Variants in C8B observed in about 807,000 individuals in gnomAD.
The protein encoded by C8B is complement C8 beta chain, also known as complement component C8 beta chain.
A neutral mutation model predicts 64.6 loss-of-function variants in C8B; 67 were observed. That is an observed-to-expected ratio of 1.04 (90% CI 0.85 to 1.27). The LOEUF is 1.27. C8B is among the 50% of genes most tolerant of loss of function. C8B has a pLI of 0.00. For synonymous variants in C8B, 284 were observed against 257.7 expected (o/e 1.10, Z -0.98); for missense variants, 790 against 725.2 (o/e 1.09, Z -1.03).
At chr1:56,933,275 C>A (rs1412887389) in intron 10 of C8B, 60 bp downstream of exon 10, 8 of 1,437,878 alleles carry the variant, frequency 5.6e-6, no homozygotes, top group Non-Finnish European at 6.9e-6. Context: ...AAATGGCTGG[C>A]CCCCGGCCTG....
Position 56,929,394 on chromosome 1 carries a change from G to T in C8B, c.*10C>A, listed in dbSNP as rs202139453. ...CTCTCATTGTATGTAGCCCACTGCT[G>T]TATCATCTGCTAGGAGCAGTCAAGT... On this transcript the variant is annotated 3_prime_UTR_variant, in exon 12 of 12. Transcript: ENST00000371237. 1 of 1,611,852 alleles carries T rather than the reference G, an allele frequency of 6.2e-7. No homozygotes were observed. The highest frequency in any genetic ancestry group is 8.5e-7 in the Non-Finnish European group (1 of 1,179,798).
intron 1 of C8B, among the ~76,000 whole-genome samples, chr1:56,961,339 CA>C (rs898387624): frequency 3.0e-4 from 46 of 152,298 alleles, no homozygotes; most frequent in African/African-American, 9.9e-4. Flanking sequence ...AGGCTGTGCT[CA>C]ATGGCCCAGC....
intron 6 of C8B, among the ~76,000 whole-genome samples, chr1:56,947,802 G>A (rs1348996105): frequency 1.3e-5 from 2 of 152,056 alleles, no homozygotes; most frequent in East Asian, 1.9e-4. Flanking sequence ...ATGGTAGCAT[G>A]TGCCTGTAGT....
At chr1:56,944,479 G>A (rs1644913142) in intron 7 of C8B, among the ~76,000 whole-genome samples, 1 of 152,090 alleles carries the variant, frequency 6.6e-6, no homozygotes, top group Non-Finnish European at 1.5e-5. Context: ...TAGAAATGTT[G>A]GTATAGATCA....
intron 11 of C8B, among the ~76,000 whole-genome samples, chr1:56,930,400 A>T (rs945285245): frequency 2.6e-5 from 4 of 152,178 alleles, no homozygotes; most frequent in Admixed American, 6.5e-5. Context: ...TAAATTACTT[A>T]ATAACTGGGC....
intron 4 of C8B, 21 bp downstream of exon 4, chr1:56,954,665 C>T: frequency 6.2e-7 from 1 of 1,614,080 alleles, no homozygotes; most frequent in Non-Finnish European, 8.5e-7. Context: ...CCATCTACGC[C>T]ACAGAAAAAT....
At chr1:56,958,003 C>A (rs1476231848) in intron 2 of C8B, among the ~76,000 whole-genome samples, 1 of 152,046 alleles carries the variant, frequency 6.6e-6, no homozygotes, top group Non-Finnish European at 1.5e-5. Context: ...GGAGGAAATT[C>A]CTGTACCAAA....
chr1:56,947,636 A>T (rs1488785339), intron 6 of C8B, among the ~76,000 whole-genome samples: 1 of 152,156 alleles, frequency 6.6e-6, no homozygotes, highest in Non-Finnish European at 1.5e-5. Flanking sequence ...AACTGATATA[A>T]TTAAGAAAAA....
Position 56,945,821 on chromosome 1 carries a change from C to T in C8B, c.1105G>A (p.Asp369Asn). 6.2e-7 allele frequency: 1 copy of T among 1,614,112 alleles called. No homozygotes were observed. Among genetic ancestry groups the T allele is most frequent in the Non-Finnish European group, 8.5e-7 (1 of 1,180,004 alleles). Reference protein sequence around the residue: ...VMNKEAMERGDYTLNNVHACA... With the variant: ...VMNKEAMERGNYTLNNVHACA... ...AGCCATGGTCCCTTGGGCAGTATAC[C>T]TCCTCTCTCCATGGCCTCTTTGTTC... is the stretch of plus-strand genomic sequence containing the variant. The change falls in exon 7 of 12, where the codon GAT becomes AAT. Residue 369 changes from aspartate to asparagine, a missense_variant and splice_region_variant. Coordinates refer to ENST00000371237, the MANE Select transcript of C8B (RefSeq NM_000066.4).
chr1:56,952,463 A>C (rs1645036988), intron 4 of C8B, among the ~76,000 whole-genome samples: 1 of 151,898 alleles, frequency 6.6e-6, no homozygotes, highest in African/African-American at 2.4e-5. Context: ...CCACCCAGTC[A>C]CTGTTTTATC....
At chr1:56,932,529 A>C (rs887496541) in intron 10 of C8B, among the ~76,000 whole-genome samples, 1 of 152,096 alleles carries the variant, frequency 6.6e-6, no homozygotes, top group Non-Finnish European at 1.5e-5. Context: ...CCCTAGATTA[A>C]AATCTTGAGT....
intron 5 of C8B, among the ~76,000 whole-genome samples, chr1:56,951,002 A>G (rs1172853065): frequency 1.3e-5 from 2 of 152,316 alleles, no homozygotes; most frequent in African/African-American, 4.8e-5. Flanking sequence ...GCTAAGCCAA[A>G]TTTGTTCTTT....
chr1:56,959,544 G>A, intron 2 of C8B: 8 of 1,519,228 alleles, frequency 5.3e-6, no homozygotes, highest in Non-Finnish European at 7.1e-6. Flanking sequence ...AAAGCAGCAT[G>A]AAGAAACGCC....
intron 9 of C8B, 92 bp downstream of exon 9, chr1:56,940,757 G>T: frequency 6.9e-7 from 1 of 1,449,314 alleles, no homozygotes; most frequent in South Asian, 1.1e-5. Flanking sequence ...CTGGGTCTTA[G>T]TGATCTCTGC....
At chr1:56,934,465 G>A (rs1252802226) in intron 9 of C8B, among the ~76,000 whole-genome samples, 3 of 152,172 alleles carry the variant, frequency 2.0e-5, no homozygotes, top group Admixed American at 2.0e-4. Flanking sequence ...GGCACAGACA[G>A]TCCAAATAGA....
rs367587572 is a variant in C8B at position 56,949,586 on chromosome 1, T to C, written c.833A>G (p.Tyr278Cys). Residue 278 changes from tyrosine (Y) to cysteine (C), a missense_variant, in exon 6 of 12, where the codon TAT becomes TGT. Physicochemically the swap from Tyr to Cys is radical, Grantham distance 194. Coordinates refer to ENST00000371237, the MANE Select transcript of C8B (RefSeq NM_000066.4). ...ISSQSDRGKH[Y>C]IRRTKRFSHT... ...AGAGAATCGTTTGGTTCTCCTAATA[T>C]AGTGTTTGCCTCGATCACTTTGACT... 6.1e-5 allele frequency: 98 copies of C among 1,614,036 alleles called. No individual in the cohort carries two copies. The highest frequency in any genetic ancestry group is 1.8e-4 in the Admixed American group (11 of 60,024).
Position 56,952,105 on chromosome 1 carries a change from A to C in C8B, c.609T>G (p.His203Gln). The change falls in exon 5 of 12, where the codon CAT becomes CAG. Residue 203 changes from histidine (H) to glutamine (Q), a missense_variant. By Grantham distance (24) the His-to-Gln change is conservative (BLOSUM62 0). Coordinates refer to ENST00000371237, the MANE Select transcript of C8B (RefSeq NM_000066.4). ...TCCTAAACCTCGTGTTCAGGATGTA[A>C]TGCGGGGAGCATCCACCTGCATAAT... ...HRYYAGGCSP[H>Q]YILNTRFRKP... 1 of 1,614,134 alleles carries C rather than the reference A, an allele frequency of 6.2e-7. No homozygotes were observed. The highest frequency in any genetic ancestry group is 1.1e-5 in the South Asian group (1 of 91,082).
intron 8 of C8B, among the ~76,000 whole-genome samples, chr1:56,942,864 A>G (rs767864711): frequency 2.6e-5 from 4 of 151,818 alleles, no homozygotes; most frequent in Non-Finnish European, 4.4e-5. Flanking sequence ...TGAGCCCAAG[A>G]GTTTGAGACC....
intron 5 of C8B, among the ~76,000 whole-genome samples, chr1:56,950,811 G>A (rs1473414426): frequency 6.6e-6 from 1 of 152,202 alleles, no homozygotes; most frequent in Non-Finnish European, 1.5e-5. Flanking sequence ...GTAAGTCATA[G>A]CACGGCACCT....
Sources: gnomAD v4.1 joint callset for allele counts (sites outside exome capture counted in the v4.1 genomes callset) on GRCh38, gnomAD v4.1.1 for gene constraint, MANE v1.5 for transcripts, NCBI Gene and HGNC (gene_info 2026-07-23, HGNC 2026-07-21) for gene names.